The following DGKB variants were observed in gnomAD, a reference collection of about 807,000 sequenced individuals.
The protein encoded by DGKB is diacylglycerol kinase beta, also known as 90 kDa diacylglycerol kinase.
A neutral mutation model predicts 114.3 loss-of-function variants in DGKB; 67 were observed. That is an observed-to-expected ratio of 0.59 (90% CI 0.48 to 0.72). The LOEUF is 0.72. DGKB is among the 30% of genes least tolerant of loss of function. The probability of loss-of-function intolerance (pLI) is 0.00; values close to 1 mark genes in which losing one functional copy is unlikely to be tolerated. For missense variants in DGKB, 907 were observed against 975.2 expected (o/e 0.93, Z 0.93); for synonymous variants, 398 against 323.1 (o/e 1.23, Z -2.49).
intron 21 of DGKB, among the ~76,000 whole-genome samples, chr7:14,377,067 T>C (rs1444544059): frequency 1.3e-5 from 2 of 152,172 alleles, no homozygotes; most frequent in African/African-American, 2.4e-5. Flanking sequence ...TGTGACAGCA[T>C]CTGGGTTATA....
At chr7:14,890,882 A>G (rs1468867714) in intron 1 of DGKB, among the ~76,000 whole-genome samples, 2 of 151,348 alleles carry the variant, frequency 1.3e-5, no homozygotes, top group Admixed American at 6.6e-5. Context: ...GAAAAAAAAA[A>G]AAATCCCTAA....
chr7:14,347,416 T>C (rs983837243), intron 21 of DGKB, among the ~76,000 whole-genome samples: 4 of 152,094 alleles, frequency 2.6e-5, no homozygotes, highest in South Asian at 4.1e-4. Context: ...AGAACAACCA[T>C]GTGATCCAGC....
chr7:14,966,963 A>C (rs1787192345), intron 1 of DGKB, among the ~76,000 whole-genome samples: 1 of 152,182 alleles, frequency 6.6e-6, no homozygotes, highest in Non-Finnish European at 1.5e-5. Flanking sequence ...ATTATGCATG[A>C]ATTGTACATT....
chr7:14,268,333 T>C (rs900685976), intron 23 of DGKB, among the ~76,000 whole-genome samples: 4 of 152,046 alleles, frequency 2.6e-5, no homozygotes, highest in African/African-American at 4.8e-5. Flanking sequence ...CACAGGCAGC[T>C]GCTCTGAAGA....
At chr7:14,478,288 G>A in intron 20 of DGKB, 63 bp from the exon 21 acceptor site, 1 of 925,150 alleles carries the variant, frequency 1.1e-6, no homozygotes, top group Non-Finnish European at 1.6e-6. Flanking sequence ...TTATGAAAAT[G>A]TAGACTAAAT....
chr7:14,862,407 A>G (rs1353127840), intron 1 of DGKB, among the ~76,000 whole-genome samples: 3 of 152,028 alleles, frequency 2.0e-5, no homozygotes, highest in Non-Finnish European at 2.9e-5. Flanking sequence ...GCTGCTAATG[A>G]TTTTTAAGTG....
intron 1 of DGKB, among the ~76,000 whole-genome samples, chr7:14,923,138 A>G (rs1169978015): frequency 2.0e-5 from 3 of 152,172 alleles, no homozygotes; most frequent in Admixed American, 1.3e-4. Context: ...TGATATTGCT[A>G]TTGAGTCAGC....
intron 2 of DGKB, among the ~76,000 whole-genome samples, chr7:14,787,000 G>T (rs1191862717): frequency 6.6e-6 from 1 of 152,186 alleles, no homozygotes; most frequent in Non-Finnish European, 1.5e-5. Flanking sequence ...GCTATCCACT[G>T]TAAGTCTCTT....
intron 14 of DGKB, among the ~76,000 whole-genome samples, chr7:14,625,260 G>A (rs1295089262): frequency 6.6e-6 from 1 of 152,110 alleles, no homozygotes; most frequent in Non-Finnish European, 1.5e-5. Context: ...ATGCAAATGT[G>A]TGGAATTTGT....
chr7:14,708,980 T>C (rs991672700), intron 6 of DGKB, among the ~76,000 whole-genome samples: 16 of 150,474 alleles, frequency 1.1e-4, no homozygotes, highest in Non-Finnish European at 8.8e-5. Flanking sequence ...CTAATTAAAC[T>C]AAAGAGCTTC....
At chr7:14,152,647 A>G (rs1286782788) in intron 25 of DGKB, among the ~76,000 whole-genome samples, 1 of 152,062 alleles carries the variant, frequency 6.6e-6, no homozygotes, top group East Asian at 1.9e-4. Flanking sequence ...AAAAACTATA[A>G]ATACGAAAAA....
intron 21 of DGKB, among the ~76,000 whole-genome samples, chr7:14,465,572 G>C (rs2128877044): frequency 6.6e-6 from 1 of 152,248 alleles, no homozygotes; most frequent in Non-Finnish European, 1.5e-5. Flanking sequence ...TCTTCATCCA[G>C]TGTTAATTTA....
rs73064713 is a variant in DGKB at position 14,738,027 on chromosome 7, A to T, written c.169-1833T>A. ...TACTTCCAAAAAAGCAATTTGCTAC[A>T]ATGAATTCAGCCAACACTTAAAAAC... On this transcript the variant is annotated intron_variant, in intron 4 of 25. Transcript: ENST00000402815. Among the ~76,000 whole-genome samples the T allele has an allele frequency of 1.6e-3, 237 of 152,376 alleles. 1 individual carries two copies. The Middle Eastern group carries it at 0.02, about 13-fold the overall frequency.
chr7:14,444,919 T>C (rs1355430666), intron 21 of DGKB, among the ~76,000 whole-genome samples: 1 of 151,920 alleles, frequency 6.6e-6, no homozygotes, highest in Non-Finnish European at 1.5e-5. Context: ...CACTAATAAG[T>C]ATTTCTGTTA....
chr7:14,587,553 G>A (rs1271939118), intron 17 of DGKB, among the ~76,000 whole-genome samples: 1 of 152,128 alleles, frequency 6.6e-6, no homozygotes, highest in African/African-American at 2.4e-5. Context: ...GTTCTACTGT[G>A]TATAAGATGC....
In DGKB at chr7:14,795,031, C is replaced by A. The variant is rs145280295; in HGVS notation, c.71-37300G>T. Among the ~76,000 whole-genome samples the A allele has an allele frequency of 3.3e-4, 50 of 152,278 alleles. 1 individual carries two copies. The highest frequency in any genetic ancestry group is 1.1e-3 in the African/African-American group (46 of 41,560). ...AGACAATGCTGATTCTCTGCAGAAC[C>A]GACTCTTTGCTTCTAGACCTATAAT... On this transcript the variant is annotated intron_variant, in intron 2 of 25. Transcript: ENST00000402815.
At chr7:14,744,210 T>C (rs948661092) in intron 4 of DGKB, among the ~76,000 whole-genome samples, 1 of 152,204 alleles carries the variant, frequency 6.6e-6, no homozygotes, top group East Asian at 1.9e-4. Context: ...TCTTCTAGAA[T>C]TTGGAAACTA....
At chr7:14,781,327 A>G (rs1839059110) in intron 2 of DGKB, among the ~76,000 whole-genome samples, 1 of 152,178 alleles carries the variant, frequency 6.6e-6, no homozygotes, top group African/African-American at 2.4e-5. Context: ...GGTCCTCCAT[A>G]AGTACACTTT....
At chr7:14,354,753 A>G (rs937534668) in intron 21 of DGKB, among the ~76,000 whole-genome samples, 1 of 152,176 alleles carries the variant, frequency 6.6e-6, no homozygotes, top group Non-Finnish European at 1.5e-5. Flanking sequence ...GGATTTTGAT[A>G]TAATTAATAG....
Sources: gnomAD v4.1 joint callset for allele counts (sites outside exome capture counted in the v4.1 genomes callset) on GRCh38, gnomAD v4.1.1 for gene constraint, MANE v1.5 for transcripts, NCBI Gene and HGNC (gene_info 2026-07-23, HGNC 2026-07-21) for gene names.